Variants in TMEM135 observed in about 807,000 individuals in gnomAD.
TMEM135 encodes transmembrane protein 135.
In TMEM135, 30 loss-of-function variants were observed where a neutral mutation model predicts 60.3. The observed-to-expected ratio is 0.50, with a 90% CI of 0.37 to 0.68. The LOEUF (loss-of-function observed/expected upper bound fraction) is 0.68. Ranked by LOEUF, TMEM135 falls within the 30% of genes least tolerant of loss-of-function variation. The pLI is 0.00. For synonymous variants in TMEM135, 190 were observed against 186.7 expected (o/e 1.02, Z -0.14); for missense variants, 468 against 548.8 (o/e 0.85, Z 1.47).
rs76114532 is a variant in TMEM135 at position 87,325,965 on chromosome 11, C to G, written c.*4632C>G. On this transcript the variant is annotated 3_prime_UTR_variant, in exon 15 of 15. Transcript: ENST00000305494. ...GGTTTTATCTTTTGTCCCAGCAGAC[C>G]TGAAAATCCCAGTATATTACCACAG... 6.6e-6 allele frequency: 3 copies of G among 453,934 alleles called. No homozygotes were observed. Among genetic ancestry groups the G allele is most frequent in the Non-Finnish European group, 8.8e-6 (2 of 226,758 alleles). 28.1% of individuals were successfully genotyped at this position (453,934 alleles called of 1,614,324 possible). A position where few individuals can be genotyped will look rare whatever the true frequency, so the allele number is the denominator to read the frequency against.
intron 14 of TMEM135, among the ~76,000 whole-genome samples, chr11:87,320,670 T>G (rs1942804679): frequency 6.6e-6 from 1 of 152,170 alleles, no homozygotes; most frequent in Non-Finnish European, 1.5e-5. Context: ...ATTTTTACTG[T>G]GTTGTGTCTA....
chr11:87,075,280 T>C (rs1856847470), intron 3 of TMEM135, among the ~76,000 whole-genome samples: 1 of 151,658 alleles, frequency 6.6e-6, no homozygotes, highest in African/African-American at 2.4e-5. Flanking sequence ...TGCCTCAGCC[T>C]GCCGAGTAGC....
intron 6 of TMEM135, among the ~76,000 whole-genome samples, chr11:87,280,195 C>T (rs1372240305): frequency 6.6e-6 from 1 of 152,008 alleles, no homozygotes; most frequent in Non-Finnish European, 1.5e-5. Context: ...AAAAATTCAG[C>T]GTGTAGGCTG....
chr11:87,168,906 A>T (rs1939146050), intron 5 of TMEM135, among the ~76,000 whole-genome samples: 4 of 149,686 alleles, frequency 2.7e-5, no homozygotes, highest in African/African-American at 9.8e-5. Context: ...GAGGTGTTAA[A>T]CTCTCCCACT....
intron 6 of TMEM135, 115 bp downstream of exon 6, chr11:87,236,799 C>G (rs1221982213): frequency 1.1e-6 from 1 of 933,830 alleles, no homozygotes; most frequent in Non-Finnish European, 1.7e-6. Context: ...GCAGCATACT[C>G]CCCCCGCACC....
intron 6 of TMEM135, among the ~76,000 whole-genome samples, chr11:87,292,093 G>A (rs1403876175): frequency 7.2e-5 from 11 of 152,132 alleles, no homozygotes; most frequent in South Asian, 2.1e-4. Flanking sequence ...TACCTCAAAC[G>A]GAAATGCTCT....
intron 4 of TMEM135, among the ~76,000 whole-genome samples, chr11:87,138,356 G>A (rs896765444): frequency 5.3e-5 from 8 of 152,182 alleles, no homozygotes; most frequent in Admixed American, 3.3e-4. Flanking sequence ...CTCCCAAAGC[G>A]CTGGGATTAC....
At chr11:87,308,564 C>A (rs1403292938) in intron 9 of TMEM135, among the ~76,000 whole-genome samples, 3 of 152,074 alleles carry the variant, frequency 2.0e-5, no homozygotes, top group Non-Finnish European at 2.9e-5. Context: ...TTTGGGCATA[C>A]ACTGCTATGA....
intron 6 of TMEM135, chr11:87,259,026 G>A (rs535656821): frequency 1.1e-5 from 17 of 1,510,028 alleles, no homozygotes; most frequent in South Asian, 1.1e-4. Context: ...CAATCCACAC[G>A]GCTGCCCTGG....
At chr11:87,304,399 C>G (rs1554986973) in intron 8 of TMEM135, among the ~76,000 whole-genome samples, 1 of 150,434 alleles carries the variant, frequency 6.6e-6, no homozygotes, top group Non-Finnish European at 1.5e-5. Context: ...AAAAAGGAAA[C>G]TTAACAAATT....
rs78226718 is a variant in TMEM135, at chr11:87,057,797, G to C, written c.142-9897G>C. On this transcript the variant is annotated intron_variant, in intron 1 of 14. Coordinates refer to ENST00000305494, the MANE Select transcript of TMEM135 (RefSeq NM_022918.4). ...GTTCTTCAAAGAAACAGAAGCCTCT[G>C]TGTGTGTGTGTGTGTGTGTTTGTGT... Among the ~76,000 whole-genome samples, 1,118 of 149,818 alleles carry C rather than the reference G, an allele frequency of 7.5e-3. 16 individuals are homozygous for C. The highest frequency in any genetic ancestry group is 0.025 in the African/African-American group (1,028 of 40,726).
intron 5 of TMEM135, among the ~76,000 whole-genome samples, chr11:87,210,210 G>C (rs770605673): frequency 3.3e-5 from 5 of 152,038 alleles, no homozygotes; most frequent in Non-Finnish European, 5.9e-5. Flanking sequence ...CCATACAAAA[G>C]ATCAATGGAA....
intron 4 of TMEM135, among the ~76,000 whole-genome samples, chr11:87,154,408 C>T (rs1938637620): frequency 6.6e-6 from 1 of 152,160 alleles, no homozygotes; most frequent in East Asian, 1.9e-4. Flanking sequence ...GCATCTACAT[C>T]TAGGCTGTTG....
chr11:87,324,246 T>C lies in TMEM135; in HGVS notation c.*2913T>C. Reference sequence around the variant, plus strand: ...ACATTTCATAGGTAATGAAAAGCAATGTCCTTTACTCTCAGGGAGCTTCGT... The same window carrying C: ...ACATTTCATAGGTAATGAAAAGCAACGTCCTTTACTCTCAGGGAGCTTCGT... On this transcript the variant is annotated 3_prime_UTR_variant, in exon 15 of 15. Coordinates refer to ENST00000305494, the MANE Select transcript of TMEM135 (RefSeq NM_022918.4). The C allele has an allele frequency of 2.2e-6, 1 of 454,098 alleles. No homozygotes were observed. Among genetic ancestry groups the C allele is most frequent in the South Asian group, 1.6e-5 (1 of 64,480 alleles). 28.1% of individuals were successfully genotyped at this position (454,098 alleles called of 1,614,324 possible). A position where few individuals can be genotyped will look rare whatever the true frequency, so the allele number is the denominator to read the frequency against.
intron 4 of TMEM135, among the ~76,000 whole-genome samples, chr11:87,148,943 A>G (rs1001121987): frequency 2.0e-5 from 3 of 152,076 alleles, no homozygotes; most frequent in African/African-American, 7.2e-5. Context: ...TTGGAGTTAA[A>G]TTCATATTGT....
At chr11:87,223,938 A>G (rs1940710126) in intron 5 of TMEM135, among the ~76,000 whole-genome samples, 2 of 152,238 alleles carry the variant, frequency 1.3e-5, no homozygotes, top group African/African-American at 2.4e-5. Flanking sequence ...GGAACTGAGT[A>G]TGAAAAGAGG....
intron 2 of TMEM135, among the ~76,000 whole-genome samples, chr11:87,069,375 C>G (rs1353506598): frequency 1.3e-5 from 2 of 151,082 alleles, no homozygotes; most frequent in East Asian, 3.9e-4. Flanking sequence ...GCTATTGCAG[C>G]ATCTTTATGT....
At chr11:87,166,902 G>T (rs911210745) in intron 5 of TMEM135, among the ~76,000 whole-genome samples, 2 of 152,036 alleles carry the variant, frequency 1.3e-5, no homozygotes, top group Non-Finnish European at 2.9e-5. Flanking sequence ...GGGCAATATG[G>T]CCATTTTCAC....
At chr11:87,093,881 GTGA>G (rs1362855426) in intron 4 of TMEM135, among the ~76,000 whole-genome samples, 3 of 152,000 alleles carry the variant, frequency 2.0e-5, no homozygotes, top group Admixed American at 2.0e-4. Context: ...TTCAGTTTGA[GTGA>G]TGATATTTTA....
Sources: gnomAD v4.1 joint callset for allele counts (sites outside exome capture counted in the v4.1 genomes callset) on GRCh38, gnomAD v4.1.1 for gene constraint, MANE v1.5 for transcripts, NCBI Gene and HGNC (gene_info 2026-07-23, HGNC 2026-07-21) for gene names.